APBA2: variants seen among roughly 807,000 people sequenced by gnomAD.
The protein encoded by APBA2 is amyloid beta precursor protein binding family A member 2.
APBA2 carries 30 observed loss-of-function variants against 75.0 expected under a neutral mutation model. The ratio of observed to expected loss-of-function variants is 0.40; its 90% confidence interval spans 0.30 to 0.54. APBA2 has a LOEUF of 0.54. Among genes scored for constraint, APBA2 ranks in the 20% least tolerant of loss-of-function variants. The pLI, the probability that APBA2 is intolerant of heterozygous loss-of-function variation, is 0.49. For synonymous variants in APBA2, 444 were observed against 409.6 expected (o/e 1.08, Z -1.01); for missense variants, 801 against 1,016.1 (o/e 0.79, Z 2.88).
At chr15:29,091,158 G>A (rs2043550775) in intron 6 of APBA2, among the ~76,000 whole-genome samples, 2 of 152,202 alleles carry the variant, frequency 1.3e-5, no homozygotes, top group Non-Finnish European at 2.9e-5. Context: ...ATTGGTGCCT[G>A]CAGCCCTGCC....
At chr15:28,986,048 T>C (rs2037909674) in intron 2 of APBA2, among the ~76,000 whole-genome samples, 1 of 152,184 alleles carries the variant, frequency 6.6e-6, no homozygotes, top group Non-Finnish European at 1.5e-5. Flanking sequence ...TAAAAAAGTC[T>C]CCTTAATTAA....
intron 3 of APBA2, among the ~76,000 whole-genome samples, chr15:29,037,405 G>A (rs1490782267): frequency 3.9e-5 from 6 of 152,280 alleles, no homozygotes; most frequent in Admixed American, 2.6e-4. Flanking sequence ...AGCCTGGGGT[G>A]AGTTACCAGA....
At chr15:29,099,077 C>A (rs1177157078) in intron 9 of APBA2, among the ~76,000 whole-genome samples, 1 of 152,210 alleles carries the variant, frequency 6.6e-6, no homozygotes, top group East Asian at 1.9e-4. Flanking sequence ...CAGCCCCCTC[C>A]TGGAGCCTGG....
chr15:28,967,898 G>A lies in APBA2; in HGVS notation c.-94-27855G>A, dbSNP rs575282678. ...TATCACCACCACTCATCTCCAGAATGATTTCATCTTCCCAAAATTTAACCT... is the reference window on the plus strand; with the variant it reads ...TATCACCACCACTCATCTCCAGAATAATTTCATCTTCCCAAAATTTAACCT... On this transcript the variant is annotated intron_variant, in intron 2 of 14. Transcript: ENST00000683413. 4.6e-5 allele frequency among the ~76,000 whole-genome samples: 7 copies of A among 152,266 alleles called. No homozygotes were observed. In the South Asian group the frequency reaches 1.5e-3, roughly 32 times the overall value.
intron 4 of APBA2, among the ~76,000 whole-genome samples, chr15:29,062,087 G>A (rs889004725): frequency 3.3e-5 from 5 of 152,118 alleles, no homozygotes; most frequent in Admixed American, 1.3e-4. Flanking sequence ...GAGGGCAGGG[G>A]GTTATGGGGG....
At chr15:28,926,519 A>G (rs1424832383) in intron 2 of APBA2, among the ~76,000 whole-genome samples, 2 of 152,142 alleles carry the variant, frequency 1.3e-5, no homozygotes, top group Admixed American at 1.3e-4. Flanking sequence ...CATACAGTAT[A>G]TCGTTACCAT....
intron 1 of APBA2, among the ~76,000 whole-genome samples, chr15:28,911,423 G>GTA (rs1159637377): frequency 2.0e-5 from 3 of 152,194 alleles, no homozygotes; most frequent in Non-Finnish European, 4.4e-5. Flanking sequence ...TTTGCACAGG[G>GTA]TGAACGAGGT....
At chr15:28,914,487 G>A (rs1461781520) in intron 1 of APBA2, among the ~76,000 whole-genome samples, 1 of 152,156 alleles carries the variant, frequency 6.6e-6, no homozygotes, top group East Asian at 1.9e-4. Context: ...CTTCTGTGAC[G>A]CCCATGGGGC....
chr15:29,011,192 ATAT>A (rs1258339827), intron 3 of APBA2, among the ~76,000 whole-genome samples: 1 of 152,160 alleles, frequency 6.6e-6, no homozygotes, highest in African/African-American at 2.4e-5. Context: ...AGGCTGAATA[ATAT>A]TATGTGGTAT....
At position 29,035,948 on chromosome 15, in the gene APBA2, C is replaced by T. The variant is rs185464511; in HGVS notation, c.-40-17897C>T. 2.1e-3 allele frequency among the ~76,000 whole-genome samples: 313 copies of T among 152,304 alleles called. 1 individual carries two copies. The highest frequency in any genetic ancestry group is 7.2e-3 in the African/African-American group (299 of 41,570). ...GTGCCAGCTGTCACCCCGGAGCGCC[C>T]CCCTACCTGGGGAAGCTTTGGCAAC... is the stretch of plus-strand genomic sequence containing the variant. On this transcript the variant is annotated intron_variant, in intron 3 of 14. Coordinates refer to ENST00000683413, the MANE Select transcript of APBA2 (RefSeq NM_001353788.2).
intron 2 of APBA2, among the ~76,000 whole-genome samples, chr15:28,971,538 AG>A (rs1566858533): frequency 6.6e-6 from 1 of 152,132 alleles, no homozygotes; most frequent in East Asian, 1.9e-4. Flanking sequence ...AATAAAAGAG[AG>A]GGTCTTGGAA....
intron 14 of APBA2, among the ~76,000 whole-genome samples, chr15:29,116,680 C>T (rs535796774): frequency 6.6e-6 from 1 of 152,176 alleles, no homozygotes; most frequent in East Asian, 1.9e-4. Context: ...TGAGCTCCTC[C>T]TCAGTGAAGC....
chr15:28,981,284 A>G (rs1004600078), intron 2 of APBA2, among the ~76,000 whole-genome samples: 2 of 152,258 alleles, frequency 1.3e-5, no homozygotes, highest in Non-Finnish European at 2.9e-5. Flanking sequence ...TCACAACTCT[A>G]CAAGGAGCTT....
intron 6 of APBA2, among the ~76,000 whole-genome samples, chr15:29,088,060 C>T (rs78213855): frequency 0.051 from 7,702 of 152,198 alleles, 471 homozygotes; most frequent in African/African-American, 0.14. Flanking sequence ...CTGCACCTCT[C>T]AGCCCCCTCT....
At chr15:28,977,313 G>T (rs1243365754) in intron 2 of APBA2, 1 of 151,908 alleles carries the variant, frequency 6.6e-6, no homozygotes, top group African/African-American at 2.4e-5. Context: ...CATTCATGAG[G>T]GCCTAATTTC....
In APBA2 at chr15:28,956,498, A is replaced by T. The variant is rs971147957; in HGVS notation, c.-95+34749A>T. ...ACGTTTAGATATTTGGACTTTATCC[A>T]GTGGGTCATGGAAGCTACTATAAAC... On this transcript the variant is annotated intron_variant, in intron 2 of 14. Transcript: ENST00000683413. 1.4e-4 allele frequency among the ~76,000 whole-genome samples: 22 copies of T among 152,352 alleles called. No individual in the cohort carries two copies. The South Asian group carries it at 3.1e-3, about 22-fold the overall frequency.
chr15:28,963,435 C>A (rs952389533), intron 2 of APBA2, among the ~76,000 whole-genome samples: 12 of 152,214 alleles, frequency 7.9e-5, no homozygotes, highest in Admixed American at 2.0e-4. Flanking sequence ...CCTCCCCACC[C>A]ACCTGAAAGA....
chr15:29,092,966 T>G (rs1566998776), intron 6 of APBA2, 109 bp from the exon 7 acceptor site: 1 of 1,443,364 alleles, frequency 6.9e-7, no homozygotes, highest in Non-Finnish European at 9.7e-7. Context: ...CCCTTCTAGT[T>G]TGCCCCGCAT....
At chr15:28,982,204 C>A (rs1196582465) in intron 2 of APBA2, among the ~76,000 whole-genome samples, 1 of 152,172 alleles carries the variant, frequency 6.6e-6, no homozygotes, top group African/African-American at 2.4e-5. Flanking sequence ...CCCCGCCCCC[C>A]ACACTTATAA....
Sources: gnomAD v4.1 joint callset for allele counts (sites outside exome capture counted in the v4.1 genomes callset) on GRCh38, gnomAD v4.1.1 for gene constraint, MANE v1.5 for transcripts, NCBI Gene and HGNC (gene_info 2026-07-23, HGNC 2026-07-21) for gene names.